The following SPOCK1 variants were observed in gnomAD, a reference collection of about 807,000 sequenced individuals.
SPOCK1 encodes SPARC (osteonectin), cwcv and kazal like domains proteoglycan 1.
SPOCK1 carries 23 observed loss-of-function variants against 55.3 expected under a neutral mutation model. That is an observed-to-expected ratio of 0.42 (90% CI 0.30 to 0.59). The LOEUF is 0.59. SPOCK1 is among the 20% of genes least tolerant of loss of function. The probability of loss-of-function intolerance (pLI) is 0.22; values close to 1 mark genes in which losing one functional copy is unlikely to be tolerated. For missense variants in SPOCK1, 499 were observed against 552.5 expected, an observed-to-expected ratio of 0.90 and a Z score of 0.97; for synonymous variants, 226 against 221.0, an observed-to-expected ratio of 1.02 and a Z score of -0.20.
Position 136,978,699 on chromosome 5 carries a change from CTCATCA to C in SPOCK1, c.1269_1274del (p.Asp423_Asp424del), listed in dbSNP as rs1309480041. ...CATCCTCTTTGTCATCATCCTCATC[CTCATCA>C]TCCTCTGTCACGGCTCGGGTGTGCA... On this transcript the variant is annotated inframe_deletion, in exon 11 of 11. Coordinates refer to ENST00000394945, the MANE Select transcript of SPOCK1 (RefSeq NM_004598.4). 8.1e-6 allele frequency: 13 copies of C among 1,613,618 alleles called. No homozygotes were observed. The highest frequency in any genetic ancestry group is 1.1e-5 in the Non-Finnish European group (13 of 1,179,836).
At chr5:137,036,323 GAGA>G (rs1261462012) in intron 6 of SPOCK1, among the ~76,000 whole-genome samples, 1 of 151,796 alleles carries the variant, frequency 6.6e-6, no homozygotes, top group Non-Finnish European at 1.5e-5. Context: ...GCAGCTCTTG[GAGA>G]AGGTTTGCAG....
At chr5:137,175,034 C>T (rs1754828431) in intron 3 of SPOCK1, among the ~76,000 whole-genome samples, 1 of 152,172 alleles carries the variant, frequency 6.6e-6, no homozygotes, top group African/African-American at 2.4e-5. Flanking sequence ...CTCACTCATT[C>T]TGTAAAAATC....
intron 2 of SPOCK1, among the ~76,000 whole-genome samples, chr5:137,460,816 T>C (rs1373423895): frequency 6.6e-6 from 1 of 152,192 alleles, no homozygotes; most frequent in African/African-American, 2.4e-5. Context: ...ATCCTTCTTT[T>C]ATTCCTCAAA....
At chr5:137,403,359 C>G (rs1010721043) in intron 2 of SPOCK1, among the ~76,000 whole-genome samples, 1 of 152,172 alleles carries the variant, frequency 6.6e-6, no homozygotes, top group Non-Finnish European at 1.5e-5. Context: ...GAACATCCAA[C>G]AACACATATT....
chr5:137,480,556 GAAGT>G lies in SPOCK1; in HGVS notation c.186+17813_186+17816del, dbSNP rs1368420326. Reference sequence around the variant, plus strand: ...ATGTCTGAAAATAATGTGTCCAAGAGAAGTAAGTGGATTAGAGCCCAACTATCAT... The same window carrying G: ...ATGTCTGAAAATAATGTGTCCAAGAGAAGTGGATTAGAGCCCAACTATCAT... On this transcript the variant is annotated intron_variant, in intron 2 of 10. Coordinates refer to ENST00000394945, the MANE Select transcript of SPOCK1 (RefSeq NM_004598.4). Among the ~76,000 whole-genome samples, 5 of 152,152 alleles carry G rather than the reference GAAGT, an allele frequency of 3.3e-5. No individual in the cohort carries two copies. In the East Asian group the frequency reaches 5.8e-4, roughly 18 times the overall value.
chr5:137,350,417 T>C, intron 2 of SPOCK1, among the ~76,000 whole-genome samples: 1 of 152,198 alleles, frequency 6.6e-6, no homozygotes, highest in East Asian at 1.9e-4. Flanking sequence ...GTGGCAAGGC[T>C]TGGCTGAGCA....
chr5:137,331,356 G>A (rs1264789814), intron 2 of SPOCK1, among the ~76,000 whole-genome samples: 1 of 152,170 alleles, frequency 6.6e-6, no homozygotes, highest in African/African-American at 2.4e-5. Context: ...GTGTGGCCAA[G>A]AAGACCTAAC....
At chr5:136,994,903 G>A (rs1018136343) in intron 6 of SPOCK1, among the ~76,000 whole-genome samples, 1 of 151,998 alleles carries the variant, frequency 6.6e-6, no homozygotes, top group Non-Finnish European at 1.5e-5. Flanking sequence ...TACTTGGAAG[G>A]CTGACACAGG....
chr5:137,467,861 A>C (rs1353550033), intron 2 of SPOCK1, among the ~76,000 whole-genome samples: 1 of 152,178 alleles, frequency 6.6e-6, no homozygotes, highest in Non-Finnish European at 1.5e-5. Flanking sequence ...AAACGTTTCT[A>C]ATTGGCCCTT....
chr5:137,264,073 T>C (rs1394891915), intron 3 of SPOCK1, among the ~76,000 whole-genome samples: 1 of 151,874 alleles, frequency 6.6e-6, no homozygotes, highest in Non-Finnish European at 1.5e-5. Context: ...AACACGACAA[T>C]CAGAAGCTGC....
intron 6 of SPOCK1, among the ~76,000 whole-genome samples, chr5:137,039,965 A>C (rs749922073): frequency 2.0e-5 from 3 of 152,252 alleles, no homozygotes; most frequent in Non-Finnish European, 4.4e-5. Flanking sequence ...GAATAATAAC[A>C]GAACCGGCTG....
Position 137,362,270 on chromosome 5 carries a change from T to C in SPOCK1, c.187-95215A>G, listed in dbSNP as rs1004084178. On this transcript the variant is annotated intron_variant, in intron 2 of 10. Coordinates refer to ENST00000394945, the MANE Select transcript of SPOCK1 (RefSeq NM_004598.4). ...GTGGTGAAATTATAGATAATGACAATAATTGTAATAACCACTGCAGTTTAC... is the reference window on the plus strand; with the variant it reads ...GTGGTGAAATTATAGATAATGACAACAATTGTAATAACCACTGCAGTTTAC... Among the ~76,000 whole-genome samples, 61 of 151,694 alleles carry C rather than the reference T, an allele frequency of 4.0e-4. 1 individual carries two copies. The highest frequency in any genetic ancestry group is 1.5e-3 in the African/African-American group (61 of 41,278).
intron 2 of SPOCK1, among the ~76,000 whole-genome samples, chr5:137,327,536 G>A (rs115462876): frequency 2.1e-3 from 320 of 152,214 alleles, no homozygotes; most frequent in Non-Finnish European, 3.5e-3. Context: ...TGAGACTTTC[G>A]GTTTTAATCT....
In SPOCK1 at chr5:137,317,295, T is replaced by C. The variant is rs1197265760; in HGVS notation, c.187-50240A>G. On this transcript the variant is annotated intron_variant, in intron 2 of 10. Coordinates refer to ENST00000394945, the MANE Select transcript of SPOCK1 (RefSeq NM_004598.4). ...TCTGCTTTTAGGTCCTACAGTGAAATTGCTGGAAGCCTTTTCTTCCTTGTT... is the reference window on the plus strand; with the variant it reads ...TCTGCTTTTAGGTCCTACAGTGAAACTGCTGGAAGCCTTTTCTTCCTTGTT... Among the ~76,000 whole-genome samples the C allele has an allele frequency of 2.0e-5, 3 of 152,312 alleles. No homozygotes were observed. The East Asian group carries it at 5.8e-4, about 29-fold the overall frequency.
intron 6 of SPOCK1, among the ~76,000 whole-genome samples, chr5:137,018,969 A>G (rs143440499): frequency 6.6e-6 from 1 of 152,300 alleles, no homozygotes; most frequent in African/African-American, 2.4e-5. Context: ...CTAGAGTGAG[A>G]AGAAATACAA....
At chr5:137,105,882 CA>C (rs1314086910) in intron 5 of SPOCK1, among the ~76,000 whole-genome samples, 1 of 152,152 alleles carries the variant, frequency 6.6e-6, no homozygotes, top group African/African-American at 2.4e-5. Flanking sequence ...AGGGGAGTGA[CA>C]GCAGACGGGT....
intron 2 of SPOCK1, among the ~76,000 whole-genome samples, chr5:137,399,728 T>C (rs1013375097): frequency 1.3e-5 from 2 of 152,196 alleles, no homozygotes; most frequent in Admixed American, 6.5e-5. Flanking sequence ...TTTCAAACTA[T>C]ATATTTTTTA....
intron 7 of SPOCK1, among the ~76,000 whole-genome samples, chr5:136,990,080 T>G (rs948563109): frequency 1.3e-5 from 2 of 152,046 alleles, no homozygotes; most frequent in Non-Finnish European, 2.9e-5. Flanking sequence ...CAGCTAATTT[T>G]TTTGTATTTT....
At chr5:137,060,846 G>GT (rs1443743385) in intron 6 of SPOCK1, among the ~76,000 whole-genome samples, 1 of 152,128 alleles carries the variant, frequency 6.6e-6, no homozygotes, top group Non-Finnish European at 1.5e-5. Context: ...AAAACCTGTG[G>GT]TGCACTTTCC....
Sources: allele counts gnomAD v4.1 joint callset (sites outside exome capture counted in the v4.1 genomes callset), GRCh38; gene constraint gnomAD v4.1.1; transcripts MANE v1.5; gene names NCBI Gene and HGNC (gene_info 2026-07-23, HGNC 2026-07-21).